Variants in PRPF6 observed in about 807,000 individuals in gnomAD.
PRPF6 encodes pre-mRNA-processing factor 6.
A neutral mutation model predicts 118.3 loss-of-function variants in PRPF6; 42 were observed. That is an observed-to-expected ratio of 0.35 (90% confidence interval 0.28 to 0.46). PRPF6 has a LOEUF of 0.46. Ranked by LOEUF, PRPF6 falls within the 20% of genes least tolerant of loss-of-function variation. PRPF6 has a pLI of 1.00. For missense variants in PRPF6, 662 were observed against 1,255.7 expected (o/e 0.53, Z 7.15); for synonymous variants, 481 against 485.1 (o/e 0.99, Z 0.11).
intron 12 of PRPF6, among the ~76,000 whole-genome samples, chr20:64,019,794 G>T (rs1305630138): frequency 6.6e-6 from 1 of 152,216 alleles, no homozygotes; most frequent in Non-Finnish European, 1.5e-5. Flanking sequence ...TTCTGTGCTG[G>T]TTGAGTCAGA....
chr20:64,028,605 C>CTGACTCCGGTAAGGGGGTGCCT lies in PRPF6; in HGVS notation c.2431+57_2431+78dup, dbSNP rs763213919. 7.5e-6 allele frequency: 12 copies of CTGACTCCGGTAAGGGGGTGCCT among 1,602,144 alleles called. No individual in the cohort carries two copies. Among genetic ancestry groups the CTGACTCCGGTAAGGGGGTGCCT allele is most frequent in the South Asian group, 1.1e-5 (1 of 90,188 alleles). ...GCCCCGACTCCGGTAAGGGGGTGCC[C>CTGACTCCGGTAAGGGGGTGCCT]TGACTCCGGTAAGGGGGTGCCTTGA... On this transcript the variant is annotated intron_variant, in intron 18 of 20. Coordinates refer to ENST00000266079, the MANE Select transcript of PRPF6 (RefSeq NM_012469.4). This position sits in a 1 kb window ranked among gnomAD's most constrained non-coding sequence, Gnocchi z 6.5.
At chr20:63,995,165 T>G (rs1414510156) in intron 5 of PRPF6, 73 bp downstream of exon 5, 1 of 1,605,114 alleles carries the variant, frequency 6.2e-7, no homozygotes. Context: ...GTGGGTGGTG[T>G]TGGATTCAAT....
intron 3 of PRPF6, among the ~76,000 whole-genome samples, chr20:63,989,049 A>G (rs2059107277): frequency 6.6e-6 from 1 of 152,198 alleles, no homozygotes; most frequent in African/African-American, 2.4e-5. Flanking sequence ...ACAGACACAT[A>G]GACCAATGGA....
At chr20:63,993,310 G>T in intron 3 of PRPF6, 97 bp from the exon 4 acceptor site, 4 of 667,306 alleles carry the variant, frequency 6.0e-6, no homozygotes, top group Non-Finnish European at 1.1e-5. Flanking sequence ...CTAAGAGTAT[G>T]GAATTGTTCT....
At chr20:64,019,590 C>T (rs2059253969) in intron 12 of PRPF6, among the ~76,000 whole-genome samples, 16 of 152,174 alleles carry the variant, frequency 1.1e-4, no homozygotes, top group Admixed American at 1.0e-3. Context: ...TCTCGGGTTG[C>T]TTGTGAAGGT....
In PRPF6 at chr20:63,995,088, A is replaced by T. The variant is rs1313679952; in HGVS notation, c.611A>T (p.Gln204Leu). 6.2e-7 allele frequency: 1 copy of T among 1,614,192 alleles called. No homozygotes were observed. Among genetic ancestry groups the T allele is most frequent in the Non-Finnish European group, 8.5e-7 (1 of 1,180,030 alleles). Residue 204 changes from glutamine to leucine, a missense_variant, in exon 5 of 21, where the codon CAA becomes CTA. By Grantham distance (113) the Gln-to-Leu change is moderately radical. Transcript: ENST00000266079. The part of the protein sequence containing the change: ...GENHTSVDPR[Q>L]TQFGGLNTPY... Reference sequence around the variant, plus strand: ...AACCATACCTCAGTGGATCCCCGACAAACTGTGAGCTTCCAAAAAAGGGCA... The same window carrying T: ...AACCATACCTCAGTGGATCCCCGACTAACTGTGAGCTTCCAAAAAAGGGCA...
chr20:64,031,902 CCTT>C lies in PRPF6; in HGVS notation c.2547-13_2547-11del, dbSNP rs1569227391. ...GCAGCCACTCACTCTGGGTTCACGT[CCTT>C]CTGCTGGAACAGGCTGTTTTGGAGT... On this transcript the variant is annotated splice_polypyrimidine_tract_variant and intron_variant, in intron 19 of 20. Coordinates refer to ENST00000266079, the MANE Select transcript of PRPF6 (RefSeq NM_012469.4). 6.2e-7 allele frequency: 1 copy of C among 1,614,054 alleles called. No individual in the cohort carries two copies. The highest frequency in any genetic ancestry group is 2.2e-5 in the East Asian group (1 of 44,860).
chr20:64,002,255 T>G (rs1225913978), intron 9 of PRPF6, among the ~76,000 whole-genome samples: 1 of 151,928 alleles, frequency 6.6e-6, no homozygotes, highest in East Asian at 1.9e-4. Flanking sequence ...TCTCTTGGCC[T>G]TGTGATCTGC....
rs114227570 is a variant in PRPF6 at position 63,981,167 on chromosome 20, C to A, written c.-79C>A. The A allele has an allele frequency of 2.1e-6, 3 of 1,459,776 alleles. No individual in the cohort carries two copies. The highest frequency in any genetic ancestry group is 1.2e-5 in the South Asian group (1 of 82,218). 90.4% of individuals were successfully genotyped at this position (1,459,776 alleles called of 1,614,324 possible). On this transcript the variant is annotated 5_prime_UTR_variant, in exon 1 of 21. Transcript: ENST00000266079. ...CTTTGCTACGGAGTGCATCGGACGT[C>A]GAAGCCTAGAGTCTCTGCGTCTTTC...
Position 64,011,587 on chromosome 20 carries a change from T to C in PRPF6, c.1524+84T>C. ...AGTCCCACGCAGGACTGGGGGTTGC[T>C]GGATGGTACTGGGGAGTCCTGTGCC... On this transcript the variant is annotated intron_variant, in intron 11 of 20. Coordinates refer to ENST00000266079, the MANE Select transcript of PRPF6 (RefSeq NM_012469.4). This position sits in a 1 kb window ranked among gnomAD's most constrained non-coding sequence, Gnocchi z 6.7. 2 of 1,445,748 alleles carry C rather than the reference T, an allele frequency of 1.4e-6. No individual in the cohort carries two copies. Among genetic ancestry groups the C allele is most frequent in the Non-Finnish European group, 9.4e-7 (1 of 1,060,748 alleles). 89.6% of individuals were successfully genotyped at this position (1,445,748 alleles called of 1,614,324 possible).
At chr20:64,021,946 T>C (rs1008289904) in intron 12 of PRPF6, among the ~76,000 whole-genome samples, 13 of 147,378 alleles carry the variant, frequency 8.8e-5, no homozygotes, top group East Asian at 2.0e-4. Flanking sequence ...TGTGTGTGCG[T>C]GTGTGTGTGT....
At chr20:64,009,977 A>C (rs990879136) in intron 9 of PRPF6, among the ~76,000 whole-genome samples, 3 of 152,138 alleles carry the variant, frequency 2.0e-5, no homozygotes, top group Admixed American at 6.5e-5. Context: ...TGACCCTGGC[A>C]GTCTTCAGTC....
chr20:64,011,504 G>GT lies in PRPF6; in HGVS notation c.1524+2dup, dbSNP rs1367543091. The GT allele has an allele frequency of 6.2e-7, 1 of 1,611,984 alleles. No individual in the cohort carries two copies. Among genetic ancestry groups the GT allele is most frequent in the South Asian group, 1.1e-5 (1 of 90,956 alleles). ...GATCAACCGTGAGCAGTGGATCCAG[G>GT]TGGGCCGCAGGCGGGTGTCGTGGTG... On this transcript the variant is annotated splice_donor_variant, in intron 11 of 20. Coordinates refer to ENST00000266079, the MANE Select transcript of PRPF6 (RefSeq NM_012469.4). LOFTEE classifies it high-confidence loss of function. The surrounding 1 kb of genome is among the most constrained non-coding windows in gnomAD (Gnocchi z 6.7).
chr20:63,997,706 C>T (rs746554914), intron 6 of PRPF6, among the ~76,000 whole-genome samples: 11 of 152,092 alleles, frequency 7.2e-5, no homozygotes, highest in Non-Finnish European at 1.5e-4. Flanking sequence ...CCACTCGCCT[C>T]AGCCTCCCAG....
At chr20:64,000,413 C>T (rs191997584) in intron 8 of PRPF6, among the ~76,000 whole-genome samples, 4 of 143,178 alleles carry the variant, frequency 2.8e-5, no homozygotes, top group East Asian at 2.3e-4. Flanking sequence ...GCTGAGATTG[C>T]ACCATGCTGC....
chr20:64,007,397 G>A (rs538390253), intron 9 of PRPF6, among the ~76,000 whole-genome samples: 80 of 34,894 alleles, frequency 2.3e-3, no homozygotes, highest in South Asian at 6.9e-3. Flanking sequence ...TCTGCCTCCC[G>A]TCCCCTCTTC....
chr20:64,003,325 C>T (rs2059175922), intron 9 of PRPF6, among the ~76,000 whole-genome samples: 1 of 152,194 alleles, frequency 6.6e-6, no homozygotes, highest in Admixed American at 6.5e-5. Context: ...CTTTCCAGCT[C>T]TTGTTTTTCC....
intron 19 of PRPF6, among the ~76,000 whole-genome samples, chr20:64,031,198 G>A (rs559017917): frequency 3.6e-4 from 55 of 152,394 alleles, no homozygotes; most frequent in South Asian, 2.9e-3. Flanking sequence ...GTGTTCACTG[G>A]GGTTGCTGCT....
chr20:64,021,954 TGTGTGC>T (rs926050440), intron 12 of PRPF6, among the ~76,000 whole-genome samples: 9 of 151,056 alleles, frequency 6.0e-5, no homozygotes, highest in African/African-American at 2.2e-4. Flanking sequence ...CGTGTGTGTG[TGTGTGC>T]ACGTATGCAT....
Sources: allele counts gnomAD v4.1 joint callset (sites outside exome capture counted in the v4.1 genomes callset), GRCh38; gene constraint gnomAD v4.1.1; non-coding constraint Gnocchi (gnomAD v3.1); transcripts MANE v1.5; gene names NCBI Gene and HGNC (gene_info 2026-07-23, HGNC 2026-07-21).